HORMAD2: variants seen among roughly 807,000 people sequenced by gnomAD.
The protein encoded by HORMAD2 is HORMA domain containing 2.
HORMAD2 carries 45 observed loss-of-function variants against 38.8 expected under a neutral mutation model. That is an observed-to-expected ratio of 1.16 (90% CI 0.91 to 1.49). The LOEUF is 1.49. Among genes scored for constraint, HORMAD2 ranks in the 40% most tolerant of loss-of-function variants. The pLI is 0.00. For missense variants in HORMAD2, 338 were observed against 367.0 expected (o/e 0.92, Z 0.65); for synonymous variants, 126 against 122.8 (o/e 1.03, Z -0.17).
chr22:30,107,118 A>G (rs1385963353), intron 5 of HORMAD2, among the ~76,000 whole-genome samples: 1 of 152,244 alleles, frequency 6.6e-6, no homozygotes, highest in Non-Finnish European at 1.5e-5. Context: ...GTGCCTAAGC[A>G]TTGGATGAGA....
chr22:30,118,244 T>G (rs1922194248), intron 7 of HORMAD2, among the ~76,000 whole-genome samples: 1 of 152,128 alleles, frequency 6.6e-6, no homozygotes, highest in African/African-American at 2.4e-5. Context: ...TCCCCCTCGC[T>G]CACTGGTTTC....
intron 5 of HORMAD2, among the ~76,000 whole-genome samples, chr22:30,110,052 T>C (rs761003631): frequency 1.3e-5 from 2 of 151,854 alleles, no homozygotes; most frequent in East Asian, 3.9e-4. Context: ...TGGAAAATAT[T>C]TAGAAAAAAT....
chr22:30,105,816 G>T (rs1164249630), intron 5 of HORMAD2, among the ~76,000 whole-genome samples: 2 of 152,056 alleles, frequency 1.3e-5, no homozygotes, highest in Non-Finnish European at 2.9e-5. Context: ...ACCTCATGTG[G>T]CTCCCCATCA....
intron 5 of HORMAD2, chr22:30,105,309 T>A (rs915919029): frequency 5.8e-6 from 1 of 172,798 alleles, no homozygotes; most frequent in Non-Finnish European, 1.3e-5. Context: ...GTGTGTTTGG[T>A]CAGGCACCTG....
At chr22:30,107,552 C>T (rs549647818) in intron 5 of HORMAD2, among the ~76,000 whole-genome samples, 7 of 151,980 alleles carry the variant, frequency 4.6e-5, no homozygotes, top group South Asian at 2.1e-4. Context: ...AGTTTGAGAC[C>T]GGCCTGGGCA....
intron 3 of HORMAD2, among the ~76,000 whole-genome samples, chr22:30,102,474 A>G (rs1920955747): frequency 6.6e-6 from 1 of 152,202 alleles, no homozygotes; most frequent in Non-Finnish European, 1.5e-5. Context: ...TAATTTCTGA[A>G]TGTTATATCA....
chr22:30,180,922 CT>C (rs1926679542), downstream of HORMAD2, among the ~76,000 whole-genome samples: 1 of 11,138 alleles, frequency 9.0e-5, no homozygotes, highest in African/African-American at 2.3e-4. Flanking sequence ...TTTCCCTTCC[CT>C]CTCCTCTCCT....
the HORMAD2 span, among the ~76,000 whole-genome samples, chr22:30,188,868 G>T: frequency 6.6e-6 from 1 of 152,084 alleles, no homozygotes; most frequent in African/African-American, 2.4e-5. Flanking sequence ...GGGTGCGGTG[G>T]CTCATGCCTG....
At chr22:30,099,227 T>C (rs1184602720) in intron 3 of HORMAD2, among the ~76,000 whole-genome samples, 2 of 152,212 alleles carry the variant, frequency 1.3e-5, no homozygotes, top group African/African-American at 4.8e-5. Flanking sequence ...AAAGAAATGT[T>C]TGGACAAGTC....
chr22:30,179,715 C>T (rs1303762816), downstream of HORMAD2, among the ~76,000 whole-genome samples: 1 of 152,120 alleles, frequency 6.6e-6, no homozygotes, highest in Admixed American at 6.5e-5. Flanking sequence ...TATTCCTTTG[C>T]AACCTGGCTG....
chr22:30,196,957 C>T, the HORMAD2 span, among the ~76,000 whole-genome samples: 3 of 152,130 alleles, frequency 2.0e-5, no homozygotes, highest in South Asian at 2.1e-4. Context: ...TTTTTCTCCC[C>T]GCCTTACCTC....
At chr22:30,161,871 AAC>A (rs1925460305) in intron 10 of HORMAD2, among the ~76,000 whole-genome samples, 1 of 152,236 alleles carries the variant, frequency 6.6e-6, no homozygotes, top group Non-Finnish European at 1.5e-5. Context: ...AGTAATAGAA[AAC>A]ACAATTTAAA....
At chr22:30,083,102 C>T (rs578117911) in intron 1 of HORMAD2, among the ~76,000 whole-genome samples, 1 of 152,182 alleles carries the variant, frequency 6.6e-6, no homozygotes, top group African/African-American at 2.4e-5. Flanking sequence ...GACCTCATCT[C>T]TACCAAAAAT....
chr22:30,175,957 G>A (rs1372969764), intron 10 of HORMAD2, 106 bp from the exon 11 acceptor site: 9 of 731,856 alleles, frequency 1.2e-5, no homozygotes, highest in South Asian at 1.0e-4. Flanking sequence ...GTTTGGATCC[G>A]TTATGCAGCT....
chr22:30,164,695 T>C (rs1454159398), intron 10 of HORMAD2, among the ~76,000 whole-genome samples: 3 of 152,164 alleles, frequency 2.0e-5, no homozygotes, highest in Admixed American at 6.5e-5. Flanking sequence ...CGTCTCACTA[T>C]GTTGCCCAGG....
the HORMAD2 span, among the ~76,000 whole-genome samples, chr22:30,188,389 C>T: frequency 6.8e-6 from 1 of 146,402 alleles, no homozygotes; most frequent in Non-Finnish European, 1.5e-5. Context: ...GAATAATCCC[C>T]ATCTCTGGAG....
chr22:30,084,960 A>G (rs2068545152), intron 1 of HORMAD2, among the ~76,000 whole-genome samples: 1 of 152,018 alleles, frequency 6.6e-6, no homozygotes, highest in Non-Finnish European at 1.5e-5. Flanking sequence ...CGTCGCTAAC[A>G]TGGTGAAACC....
chr22:30,091,266 C>CTTTTTTTTT (rs67947501), intron 1 of HORMAD2, among the ~76,000 whole-genome samples: 5 of 114,036 alleles, frequency 4.4e-5, no homozygotes, highest in Non-Finnish European at 8.9e-5. Context: ...CTCTTTCTTT[C>CTTTTTTTTT]TTTTTTTTTT....
At chr22:30,130,765 A>G (rs1207420512) in intron 10 of HORMAD2, among the ~76,000 whole-genome samples, 2 of 150,932 alleles carry the variant, frequency 1.3e-5, no homozygotes, top group African/African-American at 4.9e-5. Context: ...TAATTTTTAT[A>G]TGTTTTATAG....
Sources: gnomAD v4.1 joint callset for allele counts (sites outside exome capture counted in the v4.1 genomes callset) on GRCh38, gnomAD v4.1.1 for gene constraint, MANE v1.5 for transcripts, NCBI Gene and HGNC (gene_info 2026-07-23, HGNC 2026-07-21) for gene names.